The following ADARB2 variants were observed in gnomAD, a reference collection of about 807,000 sequenced individuals.
ADARB2 encodes inactive double-stranded RNA-specific editase B2.
In ADARB2, 25 loss-of-function variants were observed where a neutral mutation model predicts 62.2. That is an observed-to-expected ratio of 0.40 (90% CI 0.29 to 0.56). The LOEUF is 0.56. ADARB2 is among the 20% of genes least tolerant of loss of function. ADARB2 has a pLI of 0.43. For synonymous variants in ADARB2, 572 were observed against 500.8 expected (o/e 1.14, Z -1.90); for missense variants, 1,071 against 1,077.4 (o/e 0.99, Z 0.08).
intron 8 of ADARB2, chr10:1,186,395 C>G: frequency 2.1e-6 from 1 of 471,104 alleles, no homozygotes; most frequent in South Asian, 1.5e-5. Flanking sequence ...AGTCCAGGCT[C>G]CCACTCACAG....
At chr10:1,261,507 C>T (rs1831136541) in intron 4 of ADARB2, among the ~76,000 whole-genome samples, 2 of 150,476 alleles carry the variant, frequency 1.3e-5, no homozygotes, top group South Asian at 4.1e-4. Context: ...ACAGACACTT[C>T]TCAAAAGAAG....
intron 1 of ADARB2, among the ~76,000 whole-genome samples, chr10:1,408,561 G>A (rs181096400): frequency 7.5e-4 from 114 of 152,202 alleles, no homozygotes; most frequent in Non-Finnish European, 3.4e-4. Flanking sequence ...AGGGCCACCC[G>A]TCCAGCATGA....
intron 1 of ADARB2, among the ~76,000 whole-genome samples, chr10:1,664,721 A>G (rs1834293026): frequency 6.6e-6 from 1 of 152,156 alleles, no homozygotes; most frequent in South Asian, 2.1e-4. Flanking sequence ...CTTCTCAAAG[A>G]TCACAGTCAG....
intron 3 of ADARB2, among the ~76,000 whole-genome samples, chr10:1,359,194 G>A (rs553677359): frequency 7.2e-5 from 11 of 152,282 alleles, no homozygotes; most frequent in African/African-American, 2.4e-4. Context: ...AGAGCATGAG[G>A]GGTTTGCAAT....
At chr10:1,280,880 C>T (rs1831364695) in intron 3 of ADARB2, among the ~76,000 whole-genome samples, 1 of 152,192 alleles carries the variant, frequency 6.6e-6, no homozygotes, top group Admixed American at 6.5e-5. Context: ...CAGAGAACCC[C>T]AGGATGGAGC....
chr10:1,491,537 G>T (rs1319797998), intron 1 of ADARB2, among the ~76,000 whole-genome samples: 1 of 152,140 alleles, frequency 6.6e-6, no homozygotes, highest in African/African-American at 2.4e-5. Context: ...CATCCTGCCT[G>T]ACAATTAGCA....
At chr10:1,263,128 T>C (rs1831159345) in intron 4 of ADARB2, among the ~76,000 whole-genome samples, 1 of 107,056 alleles carries the variant, frequency 9.3e-6, no homozygotes, top group East Asian at 3.2e-4. Context: ...CCGGGGCCTG[T>C]TGTGGGGTGG....
At chr10:1,711,631 C>T (rs544428220) in intron 1 of ADARB2, among the ~76,000 whole-genome samples, 4 of 152,292 alleles carry the variant, frequency 2.6e-5, no homozygotes, top group African/African-American at 7.2e-5. Context: ...GAGGCAATTC[C>T]TCATTTCTCA....
intron 1 of ADARB2, among the ~76,000 whole-genome samples, chr10:1,503,221 T>C (rs1454125631): frequency 6.6e-6 from 1 of 152,164 alleles, no homozygotes; most frequent in African/African-American, 2.4e-5. Context: ...ATTTTTTTGT[T>C]GTTGTTGTTC....
At chr10:1,228,893 T>G (rs1830772365) in intron 6 of ADARB2, among the ~76,000 whole-genome samples, 1 of 152,168 alleles carries the variant, frequency 6.6e-6, no homozygotes, top group South Asian at 2.1e-4. Flanking sequence ...ATGCCCAGTC[T>G]GAAGAGATGA....
intron 1 of ADARB2, among the ~76,000 whole-genome samples, chr10:1,540,618 G>T (rs371342594): frequency 8.2e-5 from 3 of 36,476 alleles, no homozygotes; most frequent in Non-Finnish European, 1.2e-4. Flanking sequence ...GACGCAGTTC[G>T]GACCCTGGAT....
chr10:1,254,474 T>G (rs1044590399), intron 4 of ADARB2, among the ~76,000 whole-genome samples: 1 of 152,242 alleles, frequency 6.6e-6, no homozygotes, highest in African/African-American at 2.4e-5. Flanking sequence ...CAGAGGAATC[T>G]TTTGGTCACT....
Position 1,363,901 on chromosome 10 carries a change from C to G in ADARB2, c.204G>C (p.Glu68Asp). ...TGCCCACGTTGCGGTTCTCCTTCACCTCCGCGCTGCTGGTACCTGGAGGGG... is the reference window on the plus strand; with the variant it reads ...TGCCCACGTTGCGGTTCTCCTTCACGTCCGCGCTGCTGGTACCTGGAGGGG... ...DDDTLSTSSA[E>D]VKENRNVGNL... Residue 68 changes from glutamate to aspartate, a missense_variant, in exon 3 of 10, where the codon GAG (glutamate) becomes GAC (aspartate). Coordinates refer to ENST00000381312, the MANE Select transcript of ADARB2 (RefSeq NM_018702.4). 6.8e-7 allele frequency: 1 copy of G among 1,474,878 alleles called. No individual in the cohort carries two copies. Among genetic ancestry groups the G allele is most frequent in the African/African-American group, 1.4e-5 (1 of 69,188 alleles). The allele number at this position is 1,474,878 out of a possible 1,614,324, so 91.4% of individuals were successfully genotyped here. A position where few individuals can be genotyped will look rare whatever the true frequency, so the allele number is the denominator to read the frequency against.
chr10:1,580,941 T>C (rs1210506387), intron 1 of ADARB2, among the ~76,000 whole-genome samples: 1 of 152,234 alleles, frequency 6.6e-6, no homozygotes, highest in Non-Finnish European at 1.5e-5. Flanking sequence ...TCATGCACCA[T>C]CGTGCGGATG....
At chr10:1,279,312 G>A (rs1379045431) in intron 3 of ADARB2, among the ~76,000 whole-genome samples, 2 of 152,088 alleles carry the variant, frequency 1.3e-5, no homozygotes, top group Non-Finnish European at 2.9e-5. Flanking sequence ...TCATTTGTTT[G>A]TTTGTTTGTC....
chr10:1,484,277 T>C (rs1360325819), intron 1 of ADARB2, among the ~76,000 whole-genome samples: 1 of 152,242 alleles, frequency 6.6e-6, no homozygotes, highest in Non-Finnish European at 1.5e-5. Context: ...AGAGCTAAAA[T>C]TTCTTGGGCA....
At chr10:1,634,882 G>T (rs1833894436) in intron 1 of ADARB2, among the ~76,000 whole-genome samples, 1 of 152,122 alleles carries the variant, frequency 6.6e-6, no homozygotes, top group African/African-American at 2.4e-5. Flanking sequence ...TTACTTTCCA[G>T]AACAAACATT....
At chr10:1,442,669 T>C (rs1412953164) in intron 1 of ADARB2, among the ~76,000 whole-genome samples, 1 of 152,196 alleles carries the variant, frequency 6.6e-6, no homozygotes, top group Non-Finnish European at 1.5e-5. Context: ...CTTATGAGAT[T>C]AAATGAAAAG....
At chr10:1,232,292 G>A (rs997470640) in intron 6 of ADARB2, among the ~76,000 whole-genome samples, 6 of 152,132 alleles carry the variant, frequency 3.9e-5, no homozygotes, top group Non-Finnish European at 7.4e-5. Context: ...ATGTGTGTGC[G>A]GTGTATGTGA....
Sources: gnomAD v4.1 joint callset for allele counts (sites outside exome capture counted in the v4.1 genomes callset) on GRCh38, gnomAD v4.1.1 for gene constraint, MANE v1.5 for transcripts, NCBI Gene and HGNC (gene_info 2026-07-23, HGNC 2026-07-21) for gene names.